The following USP40 variants were observed in gnomAD, a reference collection of about 807,000 sequenced individuals.
USP40 encodes ubiquitin specific peptidase 40.
Under a neutral mutation model 166.2 loss-of-function variants are expected in USP40, and 143 were observed. The ratio of observed to expected loss-of-function variants is 0.86; its 90% CI spans 0.75 to 0.99. The LOEUF (loss-of-function observed/expected upper bound fraction) is 0.99, where lower values mean the gene tolerates loss of function less well. USP40 is among the 50% of genes least tolerant of loss of function. USP40 has a pLI of 0.00. For missense variants in USP40, 1,444 were observed against 1,479.7 expected (o/e 0.98, Z 0.40); for synonymous variants, 498 against 524.0 (o/e 0.95, Z 0.68).
At chr2:233,495,628 C>T (rs2065701450) in intron 24 of USP40, among the ~76,000 whole-genome samples, 3 of 152,036 alleles carry the variant, frequency 2.0e-5, no homozygotes. Flanking sequence ...AGCTAGCACA[C>T]TTCAGTGTGT....
At chr2:233,561,482 T>C (rs1300494015) in intron 3 of USP40, among the ~76,000 whole-genome samples, 6 of 149,820 alleles carry the variant, frequency 4.0e-5, no homozygotes, top group South Asian at 2.2e-4. Flanking sequence ...ATTCCCTATT[T>C]AATAAATGGT....
intron 18 of USP40, among the ~76,000 whole-genome samples, chr2:233,514,505 C>T (rs549239788): frequency 6.1e-5 from 9 of 146,424 alleles, no homozygotes; most frequent in South Asian, 4.3e-4. Context: ...GTTGTGAGTA[C>T]GCAGAAAAGC....
chr2:233,546,342 T>G (rs2069940349), intron 8 of USP40: 1 of 152,030 alleles, frequency 6.6e-6, no homozygotes, highest in Non-Finnish European at 1.5e-5. Context: ...CTCACCAGAG[T>G]GTGAAACTGC....
intron 1 of USP40, among the ~76,000 whole-genome samples, chr2:233,566,123 GA>G (rs1331650173): frequency 6.8e-6 from 1 of 145,998 alleles, no homozygotes; most frequent in Admixed American, 6.8e-5. Flanking sequence ...GTACAGTCCC[GA>G]AGCTGTTGGG....
chr2:233,530,417 T>C (rs1414316933), intron 11 of USP40, among the ~76,000 whole-genome samples: 1 of 152,226 alleles, frequency 6.6e-6, no homozygotes, highest in Non-Finnish European at 1.5e-5. Flanking sequence ...AATTAATCAC[T>C]ATTTTAAAAT....
chr2:233,551,432 C>A lies in USP40; in HGVS notation c.781G>T (p.Glu261Ter), dbSNP rs749559540. ...FDFVKCERYKETSCYTFPLRI... is the reference protein window; with the variant it reads ...FDFVKCERYK The stretch of plus-strand genomic sequence containing the variant: ...AGAGGGAATGTATAACAGCTAGTTT[C>A]CTTGTAGCGTTCGCATTTCACAAAA... Residue 261 changes from glutamate (E) to a stop codon, truncating the protein, a stop_gained, in exon 7 of 32, where the codon GAA becomes TAA. Coordinates refer to ENST00000678225, the MANE Select transcript of USP40 (RefSeq NM_001365479.2). LOFTEE classifies it high-confidence loss of function. 8 of 1,612,854 alleles carry A rather than the reference C, an allele frequency of 5.0e-6. No homozygotes were observed. The highest frequency in any genetic ancestry group is 5.9e-6 in the Non-Finnish European group (7 of 1,179,420).
chr2:233,556,793 T>C, intron 5 of USP40, 62 bp downstream of exon 5: 9 of 1,467,882 alleles, frequency 6.1e-6, no homozygotes, highest in South Asian at 5.4e-5. Context: ...ATATCATACA[T>C]TTAATTACAT....
At chr2:233,511,590 G>T in intron 20 of USP40, 119 bp downstream of exon 20, 1 of 647,450 alleles carries the variant, frequency 1.5e-6, no homozygotes, top group Non-Finnish European at 2.6e-6. Flanking sequence ...AAAATAAAAT[G>T]TATGATTTAA....
rs1030053008 is a variant in USP40 at position 233,486,008 on chromosome 2, C to A, written c.3198-31G>T. The stretch of plus-strand genomic sequence containing the variant: ...CCAGAAAACCGTCAAGCGCCAGATC[C>A]AAACAAACAAACAAAACCACGTGGT... On this transcript the variant is annotated intron_variant, in intron 28 of 31. Transcript: ENST00000678225. The surrounding 1 kb of genome is among the most constrained non-coding windows in gnomAD (Gnocchi z 4.0). 9 of 1,530,700 alleles carry A rather than the reference C, an allele frequency of 5.9e-6. No individual in the cohort carries two copies. The highest frequency in any genetic ancestry group is 2.8e-5 in the African/African-American group (2 of 71,666). The allele number at this position is 1,530,700 out of a possible 1,614,324, so 94.8% of individuals were successfully genotyped here.
At chr2:233,537,672 G>A (rs1408092810) in intron 10 of USP40, among the ~76,000 whole-genome samples, 2 of 152,090 alleles carry the variant, frequency 1.3e-5, no homozygotes, top group Non-Finnish European at 2.9e-5. Flanking sequence ...TTAAAACACT[G>A]AGAAAAACAC....
chr2:233,494,802 G>A (rs2065563822), intron 24 of USP40, among the ~76,000 whole-genome samples: 1 of 141,718 alleles, frequency 7.1e-6, no homozygotes, highest in South Asian at 2.3e-4. Flanking sequence ...TTCAGCCCGG[G>A]TGACAAGAGT....
intron 3 of USP40, among the ~76,000 whole-genome samples, chr2:233,561,654 A>G (rs1413808975): frequency 6.6e-6 from 1 of 151,802 alleles, no homozygotes; most frequent in African/African-American, 2.4e-5. Flanking sequence ...GGACATACGC[A>G]TGGGTAAGGA....
chr2:233,477,355 G>T lies in USP40; in HGVS notation c.*37C>A, dbSNP rs751519604. On this transcript the variant is annotated 3_prime_UTR_variant, in exon 32 of 32. Transcript: ENST00000678225. ...AAACCCACGTTTGTGGCATCAGCCG[G>T]AGAGTTCATCGGGAGTAGAGCCGTG... 3 of 1,597,004 alleles carry T rather than the reference G, an allele frequency of 1.9e-6. No homozygotes were observed. Among genetic ancestry groups the T allele is most frequent in the Admixed American group, 1.7e-5 (1 of 59,606 alleles).
chr2:233,543,828 C>A (rs550174845), intron 8 of USP40, among the ~76,000 whole-genome samples: 1 of 152,324 alleles, frequency 6.6e-6, no homozygotes, highest in African/African-American at 2.4e-5. Flanking sequence ...ACTAAGACAC[C>A]GATCTTGCTG....
At chr2:233,481,350 C>T (rs2064576003) in intron 30 of USP40, 53 bp from the exon 31 acceptor site, 1 of 1,485,442 alleles carries the variant, frequency 6.7e-7, no homozygotes, top group African/African-American at 1.4e-5. Context: ...TTTTAGCCTA[C>T]ATTTAAAAGA....
intron 11 of USP40, among the ~76,000 whole-genome samples, chr2:233,532,432 C>T (rs1052198568): frequency 5.9e-5 from 9 of 152,160 alleles, no homozygotes; most frequent in African/African-American, 1.9e-4. Context: ...GCTCCCAATT[C>T]ATTTACATGA....
intron 2 of USP40, among the ~76,000 whole-genome samples, chr2:233,563,882 C>T (rs1248012937): frequency 1.3e-5 from 2 of 152,120 alleles, no homozygotes; most frequent in Non-Finnish European, 2.9e-5. Context: ...CTACTCTTGC[C>T]TAATGGTACG....
At chr2:233,481,638 GCGCCAGAAGCACAGC>G (rs1559209688) in intron 30 of USP40, 1 of 286,650 alleles carries the variant, frequency 3.5e-6, no homozygotes, top group African/African-American at 2.2e-5. Context: ...TCTCATCGCC[GCGCCAGAAGCACAGC>G]TGTTTACTTT....
Position 233,498,610 on chromosome 2 carries a change from C to G in USP40, c.2653G>C (p.Asp885His), listed in dbSNP as rs2065879478. The change falls in exon 23 of 32, where the codon GAT becomes CAT. Residue 885 changes from aspartate (D) to histidine (H), a missense_variant and splice_region_variant. Transcript: ENST00000678225. Reference sequence around the variant, plus strand: ...TCCATTTTTCGTAAATGCCAGGCATCTCCTATAAAGGAGTCAAAATTGGGA... The same window carrying G: ...TCCATTTTTCGTAAATGCCAGGCATGTCCTATAAAGGAGTCAAAATTGGGA... ...LMLKKSGLQG[D>H]AWHLRKMDWC... 2.5e-6 allele frequency: 4 copies of G among 1,613,224 alleles called. No homozygotes were observed. The Admixed American group carries it at 6.7e-5, about 27-fold the overall frequency.
Sources: gnomAD v4.1 joint callset for allele counts (sites outside exome capture counted in the v4.1 genomes callset) on GRCh38, gnomAD v4.1.1 for gene constraint, Gnocchi (gnomAD v3.1) non-coding constraint, MANE v1.5 for transcripts, NCBI Gene and HGNC (gene_info 2026-07-23, HGNC 2026-07-21) for gene names.